SNAP91: variants seen among roughly 807,000 people sequenced by gnomAD.
The protein encoded by SNAP91 is clathrin coat assembly protein AP180.
Under a neutral mutation model 100.3 loss-of-function variants are expected in SNAP91, and 27 were observed. That is an observed-to-expected ratio of 0.27 (90% CI 0.20 to 0.37). The LOEUF is 0.37. Among genes scored for constraint, SNAP91 ranks in the 10% least tolerant of loss-of-function variants. The probability of loss-of-function intolerance (pLI) is 1.00; values close to 1 mark genes in which losing one functional copy is unlikely to be tolerated. For synonymous variants in SNAP91, 404 were observed against 398.6 expected (o/e 1.01, Z -0.16); for missense variants, 986 against 1,123.7 (o/e 0.88, Z 1.75).
At chr6:83,650,538 CT>C (rs1172168187) in intron 7 of SNAP91, among the ~76,000 whole-genome samples, 3 of 152,172 alleles carry the variant, frequency 2.0e-5, no homozygotes, top group Admixed American at 1.3e-4. Flanking sequence ...TTGCCTCAGC[CT>C]CCTGAGTAGC....
chr6:83,627,753 C>G (rs143193147), intron 8 of SNAP91, among the ~76,000 whole-genome samples: 40 of 151,958 alleles, frequency 2.6e-4, no homozygotes, highest in East Asian at 2.3e-3. Flanking sequence ...CATTGTTAAT[C>G]TAGCTAGTGG....
intron 24 of SNAP91, among the ~76,000 whole-genome samples, chr6:83,579,377 G>C (rs777258137): frequency 3.3e-5 from 5 of 152,056 alleles, no homozygotes; most frequent in Non-Finnish European, 7.4e-5. Flanking sequence ...TGAAATTTTA[G>C]TATAGGAGGA....
At chr6:83,625,192 C>T (rs948192234) in intron 8 of SNAP91, among the ~76,000 whole-genome samples, 3 of 152,138 alleles carry the variant, frequency 2.0e-5, no homozygotes, top group Admixed American at 2.0e-4. Flanking sequence ...CCCCCAGCTA[C>T]ATTCATGTTG....
At chr6:83,584,966 G>A (rs2092144424) in intron 22 of SNAP91, among the ~76,000 whole-genome samples, 1 of 152,106 alleles carries the variant, frequency 6.6e-6, no homozygotes, top group Non-Finnish European at 1.5e-5. Context: ...ATTATACTCG[G>A]TTCTTATGAA....
chr6:83,622,682 A>T, intron 9 of SNAP91, among the ~76,000 whole-genome samples: 1 of 151,020 alleles, frequency 6.6e-6, no homozygotes, highest in East Asian at 1.9e-4. Context: ...TTGAATCTAT[A>T]TATTAGGATC....
intron 8 of SNAP91, among the ~76,000 whole-genome samples, chr6:83,627,765 C>T (rs1171826854): frequency 1.3e-5 from 2 of 151,714 alleles, no homozygotes; most frequent in East Asian, 1.9e-4. Context: ...AGCTAGTGGT[C>T]GATCAATCTT....
chr6:83,585,694 A>G (rs1404811863), intron 22 of SNAP91, among the ~76,000 whole-genome samples: 1 of 152,090 alleles, frequency 6.6e-6, no homozygotes, highest in Non-Finnish European at 1.5e-5. Flanking sequence ...TTAATCACAG[A>G]TGATTAGTCT....
chr6:83,597,102 T>C (rs1424724845), intron 16 of SNAP91, among the ~76,000 whole-genome samples: 1 of 152,208 alleles, frequency 6.6e-6, no homozygotes, highest in East Asian at 1.9e-4. Flanking sequence ...CTCTTGTTAC[T>C]TGAAACTAAA....
rs752107730 is a variant in SNAP91 at position 83,560,165 on chromosome 6, A to C, written c.2570T>G (p.Val857Gly). 1.6e-5 allele frequency: 26 copies of C among 1,613,792 alleles called. No individual in the cohort carries two copies. The highest frequency in any genetic ancestry group is 4.0e-5 in the African/African-American group (3 of 74,916). ...CCTCATCATGGGCTGTGCAAACATG[A>C]CCGGCTGCTGAGGCATCATGGGCAT... ...TGMPMMPQQP[V>G]MFAQPMMRPP... is the part of the protein sequence containing the mutation. Residue 857 changes from valine to glycine, a missense_variant, in exon 28 of 30, where the codon GTC (valine) becomes GGC (glycine). This residue lies in a region of SNAP91 where 71 missense variants were observed against 68.5 expected (regional missense o/e 1.04). Transcript: ENST00000369694.
chr6:83,658,235 T>C (rs2128714474), intron 6 of SNAP91, among the ~76,000 whole-genome samples: 1 of 152,306 alleles, frequency 6.6e-6, no homozygotes, highest in Non-Finnish European at 1.5e-5. Context: ...AACCAGGATA[T>C]TGACAATGAA....
At chr6:83,590,274 G>T (rs1229866616) in intron 22 of SNAP91, among the ~76,000 whole-genome samples, 1 of 152,102 alleles carries the variant, frequency 6.6e-6, no homozygotes, top group East Asian at 1.9e-4. Context: ...TTACTACTGT[G>T]GTCTTGCAAC....
intron 2 of SNAP91, among the ~76,000 whole-genome samples, chr6:83,666,281 G>A (rs191473442): frequency 2.6e-5 from 4 of 152,080 alleles, no homozygotes; most frequent in Non-Finnish European, 5.9e-5. Context: ...GGAGTGCCCA[G>A]CATTCAGAAA....
chr6:83,690,313 T>C, intron 2 of SNAP91: 1 of 1,253,922 alleles, frequency 8.0e-7, no homozygotes, highest in Non-Finnish European at 1.0e-6. Context: ...GTATTTCTCC[T>C]TTAGCACAAC....
chr6:83,594,360 G>T lies in SNAP91; in HGVS notation c.1432+14C>A. 6.5e-7 allele frequency: 1 copy of T among 1,543,544 alleles called. No homozygotes were observed. The highest frequency in any genetic ancestry group is 1.2e-5 in the South Asian group (1 of 83,910). On this transcript the variant is annotated intron_variant, in intron 17 of 29. Coordinates refer to ENST00000369694, the MANE Select transcript of SNAP91 (RefSeq NM_001242792.2). ...ACAGAAGAATAACAGACTGGCTAAT[G>T]ACTTTAAACCCACCATTTCCTGAAC...
intron 16 of SNAP91, among the ~76,000 whole-genome samples, chr6:83,600,084 A>G (rs1216999940): frequency 1.3e-5 from 2 of 152,178 alleles, no homozygotes; most frequent in Admixed American, 1.3e-4. Context: ...GCGCCAGACC[A>G]TGGGTGACTC....
At chr6:83,638,549 T>C (rs536396281) in intron 8 of SNAP91, among the ~76,000 whole-genome samples, 6 of 152,322 alleles carry the variant, frequency 3.9e-5, no homozygotes, top group African/African-American at 1.4e-4. Context: ...AATATTAATA[T>C]GAACAAAAGA....
At chr6:83,688,114 A>G (rs987780500) in intron 2 of SNAP91, among the ~76,000 whole-genome samples, 1 of 152,192 alleles carries the variant, frequency 6.6e-6, no homozygotes, top group Non-Finnish European at 1.5e-5. Flanking sequence ...TACATTTCAT[A>G]TATGACCCCA....
chr6:83,590,959 G>T (rs1305313330), intron 22 of SNAP91, among the ~76,000 whole-genome samples: 1 of 151,652 alleles, frequency 6.6e-6, no homozygotes, highest in Admixed American at 6.6e-5. Context: ...TTTAGATTTG[G>T]GGGGGCAAGT....
chr6:83,696,017 A>G (rs2129018947), intron 2 of SNAP91, among the ~76,000 whole-genome samples: 1 of 152,294 alleles, frequency 6.6e-6, no homozygotes, highest in African/African-American at 2.4e-5. Flanking sequence ...TCATTAGCAC[A>G]GTCTCCAATC....
Sources: allele counts gnomAD v4.1 joint callset (sites outside exome capture counted in the v4.1 genomes callset), GRCh38; gene constraint gnomAD v4.1.1; regional missense constraint gnomAD v4.1.1; transcripts MANE v1.5; gene names NCBI Gene and HGNC (gene_info 2026-07-23, HGNC 2026-07-21).